FLCN: variants seen among roughly 807,000 people sequenced by gnomAD.
FLCN encodes the protein folliculin, also known as BHD skin lesion fibrofolliculoma protein.
In FLCN, 22 loss-of-function variants were observed where a neutral mutation model predicts 62.5. The observed-to-expected ratio is 0.35, with a 90% confidence interval of 0.25 to 0.50. The LOEUF (loss-of-function observed/expected upper bound fraction) is 0.50. Among genes scored for constraint, FLCN ranks in the 20% least tolerant of loss-of-function variants. The pLI is 0.97. For synonymous variants in FLCN, 319 were observed against 310.0 expected (o/e 1.03, Z -0.30); for missense variants, 657 against 778.0 (o/e 0.84, Z 1.85).
Position 17,213,495 on chromosome 17 carries a change from C to G in FLCN, c.*160G>C. On this transcript the variant is annotated 3_prime_UTR_variant, in exon 14 of 14. Transcript: ENST00000285071. ...GGGAGAGTCTGGGAAGCACACAGGC[C>G]CCAAACCTGACAGGGCCGAGCCCAG... The G allele has an allele frequency of 3.2e-6, 3 of 949,526 alleles. No individual in the cohort carries two copies. Among genetic ancestry groups the G allele is most frequent in the Non-Finnish European group, 1.6e-6 (1 of 612,308 alleles). 58.8% of individuals were successfully genotyped at this position (949,526 alleles called of 1,614,324 possible). A position where few individuals can be genotyped will look rare whatever the true frequency, so the allele number is the denominator to read the frequency against.
At chr17:17,217,386 T>C in intron 9 of FLCN, 2 of 610,298 alleles carry the variant, frequency 3.3e-6, no homozygotes, top group South Asian at 3.8e-5. Flanking sequence ...ACATAAATGC[T>C]AGATTCCAAA....
At chr17:17,215,349 T>TC in intron 11 of FLCN, 33 bp from the exon 12 acceptor site, 1 of 1,611,834 alleles carries the variant, frequency 6.2e-7, no homozygotes, top group Non-Finnish European at 8.5e-7. Context: ...GCTCCTCATC[T>TC]CCCCCATGCT....
At position 17,224,164 on chromosome 17, in the gene FLCN, C is replaced by CA. The variant is rs1567820335; in HGVS notation, c.397-22dup. 1.9e-6 allele frequency: 3 copies of CA among 1,557,226 alleles called. 1 individual carries two copies. Among genetic ancestry groups the CA allele is most frequent in the South Asian group, 2.3e-5 (2 of 85,118 alleles). On this transcript the variant is annotated intron_variant, in intron 5 of 13. Transcript: ENST00000285071. ...CAGACCTGGAGGGACACCGGCGACT[C>CA]AGACAGCCCTTTCCTCGCTTAGTGA...
Position 17,219,054 on chromosome 17 carries a change from G to A in FLCN, c.1027C>T (p.Leu343=). ...SGCGSWQPRK[L]PVFKSLRHMR... Reference sequence around the variant, plus strand: ...TGCCGGAGGGACTTGAAGACTGGCAGCTTCCGGGGCTGCCAGCTCCCACAG... The same window carrying A: ...TGCCGGAGGGACTTGAAGACTGGCAACTTCCGGGGCTGCCAGCTCCCACAG... The change falls in exon 9 of 14, where the codon CTG becomes TTG. Residue 343 remains leucine (L), a synonymous_variant. Transcript: ENST00000285071. 1.2e-6 allele frequency: 2 copies of A among 1,613,872 alleles called. No individual in the cohort carries two copies. Among genetic ancestry groups the A allele is most frequent in the Non-Finnish European group, 1.7e-6 (2 of 1,179,930 alleles).
intron 9 of FLCN, among the ~76,000 whole-genome samples, chr17:17,218,701 C>T (rs965031309): frequency 2.6e-5 from 4 of 152,128 alleles, no homozygotes; most frequent in African/African-American, 9.7e-5. Context: ...TTACAATGGG[C>T]AGGGTCCAGG....
rs1597621478 is a variant in FLCN, at chr17:17,229,246, G to C, written c.-24-1085C>G. Reference sequence around the variant, plus strand: ...CCTTGTAGACTCAGAGGTGGAGAAGGGAGGACAGCTAGCCAACATGACCAA... The same window carrying C: ...CCTTGTAGACTCAGAGGTGGAGAAGCGAGGACAGCTAGCCAACATGACCAA... On this transcript the variant is annotated intron_variant, in intron 3 of 13. Transcript: ENST00000285071. 3 of 152,640 alleles carry C rather than the reference G, an allele frequency of 2.0e-5. No homozygotes were observed. In the South Asian group the frequency reaches 6.2e-4, roughly 32 times the overall value. 9.5% of individuals were successfully genotyped at this position (152,640 alleles called of 1,614,324 possible).
chr17:17,222,228 T>C (rs966869849), intron 7 of FLCN, among the ~76,000 whole-genome samples: 3 of 151,978 alleles, frequency 2.0e-5, no homozygotes, highest in Non-Finnish European at 4.4e-5. Context: ...TCCCAGCTAC[T>C]TGGGAGGCTG....
chr17:17,227,628 T>C (rs2047291349), intron 4 of FLCN, among the ~76,000 whole-genome samples: 1 of 152,112 alleles, frequency 6.6e-6, no homozygotes, highest in Admixed American at 6.5e-5. Flanking sequence ...GGAGAATTGC[T>C]TGAACCCGGG....
intron 13 of FLCN, among the ~76,000 whole-genome samples, 180 bp from the exon 14 acceptor site, chr17:17,214,036 A>C (rs1369022612): frequency 6.6e-6 from 1 of 152,156 alleles, no homozygotes; most frequent in African/African-American, 2.4e-5. Flanking sequence ...GCTGTGTCCC[A>C]GCAAGGAAGG....
At position 17,221,759 on chromosome 17, in the gene FLCN, C is replaced by T. The variant is rs183983332; in HGVS notation, c.780-131G>A. The T allele has an allele frequency of 6.2e-5, 59 of 948,678 alleles. No individual in the cohort carries two copies. The African/African-American group carries it at 9.1e-4, about 15-fold the overall frequency. The allele number at this position is 948,678 out of a possible 1,614,324, so 58.8% of individuals were successfully genotyped here. On this transcript the variant is annotated intron_variant, in intron 7 of 13. Transcript: ENST00000285071. The stretch of plus-strand genomic sequence containing the variant: ...AAGAACACCAGCAGGGCACAACCAG[C>T]CAGATCCCGCATGCAGGCAGTTCCA...
intron 9 of FLCN, 84 bp from the exon 10 acceptor site, chr17:17,217,266 T>C: frequency 1.0e-6 from 1 of 954,998 alleles, no homozygotes; most frequent in Non-Finnish European, 1.7e-6. Flanking sequence ...TGTGTGTTCA[T>C]AAAACTTTGT....
At position 17,216,380 on chromosome 17, in the gene FLCN, C is replaced by T. The variant is rs1266098984; in HGVS notation, c.1300G>A (p.Glu434Lys). 6.2e-7 allele frequency: 1 copy of T among 1,613,424 alleles called. No individual in the cohort carries two copies. Among genetic ancestry groups the T allele is most frequent in the Non-Finnish European group, 8.5e-7 (1 of 1,179,676 alleles). ...VQIPPHVLSS[E>K]FAVIVEVHAA... ...CCCCACAGCCCGCGGGGGCACGCACCTGAGGAGAGCACGTGGGGGGGGATC... is the reference window on the plus strand; with the variant it reads ...CCCCACAGCCCGCGGGGGCACGCACTTGAGGAGAGCACGTGGGGGGGGATC... Residue 434 changes from glutamate to lysine, a missense_variant and splice_region_variant, in exon 11 of 14, where the codon GAG becomes AAG. Transcript: ENST00000285071. The surrounding 1 kb of genome is among the most constrained non-coding windows in gnomAD (Gnocchi z 4.0).
In FLCN at chr17:17,215,050, G is replaced by C; in HGVS notation, c.1473C>G (p.Thr491=). ...CCACATCCACAGACAGGTTCTGGTT[G>C]GTCAGAGCCGCTTCAATCTTATTCA... The part of the protein sequence containing the change: ...TILNKIEAAL[T]NQNLSVDVVD... The change falls in exon 13 of 14, where the codon ACC becomes ACG. Residue 491 remains threonine (T), a synonymous_variant. Transcript: ENST00000285071. The C allele has an allele frequency of 1.2e-6, 2 of 1,614,170 alleles. No individual in the cohort carries two copies.
intron 3 of FLCN, 140 bp from the exon 4 acceptor site, chr17:17,228,301 C>T (rs561055780): frequency 1.0e-6 from 1 of 1,000,382 alleles, no homozygotes; most frequent in South Asian, 1.6e-5. Context: ...TCCCCAGCCC[C>T]CTGCCAGCAC....
chr17:17,225,773 T>TGGG, intron 5 of FLCN: 1 of 323,968 alleles, frequency 3.1e-6, no homozygotes, highest in Non-Finnish European at 6.2e-6. Context: ...CCCAGCCACC[T>TGGG]GGGAGGCTAA....
At chr17:17,231,724 A>T (rs1177902167) in intron 3 of FLCN, 70 bp downstream of exon 3, 1 of 152,368 alleles carries the variant, frequency 6.6e-6, no homozygotes, top group Non-Finnish European at 1.5e-5. Context: ...GGGGTGCTGC[A>T]GCCAGCCTCT....
chr17:17,221,206 C>T (rs2047074096), intron 8 of FLCN: 6 of 1,516,188 alleles, frequency 4.0e-6, no homozygotes, highest in Middle Eastern at 1.8e-4. Context: ...GGAGCAAAGA[C>T]CGTCGACCAG....
At position 17,216,697 on chromosome 17, in the gene FLCN, C is replaced by T. The variant is rs536653328; in HGVS notation, c.1177-194G>A. Among the ~76,000 whole-genome samples the T allele has an allele frequency of 1.4e-4, 22 of 152,314 alleles. No homozygotes were observed. Among genetic ancestry groups the T allele is most frequent in the African/African-American group, 5.3e-4 (22 of 41,574 alleles). ...GTCCTCCACCACCAGGTCCCTAACT[C>T]TTGTCTGGACCGCCAGTCACACACC... On this transcript the variant is annotated intron_variant, in intron 10 of 13. Coordinates refer to ENST00000285071, the MANE Select transcript of FLCN (RefSeq NM_144997.7). This position sits in a 1 kb window ranked among gnomAD's most constrained non-coding sequence, Gnocchi z 4.0.
intron 8 of FLCN, chr17:17,220,832 G>A (rs1252213558): frequency 5.1e-6 from 1 of 195,624 alleles, no homozygotes; most frequent in Non-Finnish European, 1.1e-5. Context: ...AGACTCCATT[G>A]GCAAAGCTTA....
Sources: allele counts gnomAD v4.1 joint callset (sites outside exome capture counted in the v4.1 genomes callset), GRCh38; gene constraint gnomAD v4.1.1; non-coding constraint Gnocchi (gnomAD v3.1); transcripts MANE v1.5; gene names NCBI Gene and HGNC (gene_info 2026-07-23, HGNC 2026-07-21).